LOC101059915: variants seen among roughly 807,000 people sequenced by gnomAD.
chrX:71,669,694 C>T, the LOC101059915 span: 1 of 974,005 alleles, frequency 1.0e-6, no homozygotes, highest in Non-Finnish European at 1.3e-6. Context: ...ACGCCTGGTG[C>T]CCAGATGCCA....
At chrX:71,667,953 G>C in the LOC101059915 span, 4 of 1,158,429 alleles carry the variant, frequency 3.5e-6, no homozygotes, top group Non-Finnish European at 3.5e-6. Context: ...GCAGTGGCAA[G>C]GGTAAGGGCA....
chrX:71,669,988 C>T, the LOC101059915 span, among the ~76,000 whole-genome samples: 26 of 112,678 alleles, frequency 2.3e-4, no homozygotes, highest in African/African-American at 7.7e-4. Flanking sequence ...CTGTTAAGTC[C>T]TGCTCAGCCA....
the LOC101059915 span, chrX:71,670,726 T>C: frequency 9.1e-7 from 1 of 1,096,416 alleles, no homozygotes; most frequent in South Asian, 2.4e-5. Context: ...GTGGTGGGGG[T>C]GGACTGCAGG....
At chrX:71,668,172 C>T in the LOC101059915 span, 2 of 1,129,143 alleles carry the variant, frequency 1.8e-6, no homozygotes, top group South Asian at 2.2e-5. Context: ...GACACCCGTC[C>T]CCAGAAGGCG....
the LOC101059915 span, chrX:71,670,450 A>G: frequency 1.8e-6 from 2 of 1,111,042 alleles, no homozygotes; most frequent in Non-Finnish European, 2.4e-6. Flanking sequence ...TACCCCATGC[A>G]GAGTGAGTGC....
At chrX:71,667,684 C>G in the LOC101059915 span, 20 of 785,442 alleles carry the variant, frequency 2.5e-5, no homozygotes, top group Non-Finnish European at 2.9e-5. Flanking sequence ...TCAATTCGCT[C>G]TCAGGCTCAA....
At chrX:71,667,879 A>G in the LOC101059915 span, 1 of 1,108,253 alleles carries the variant, frequency 9.0e-7, no homozygotes, top group Non-Finnish European at 1.2e-6. Flanking sequence ...CGGCGCCCAC[A>G]CCGCCAGCCC....
At chrX:71,668,744 C>G in the LOC101059915 span, 1 of 1,070,706 alleles carries the variant, frequency 9.3e-7, no homozygotes, top group Admixed American at 4.1e-5. Flanking sequence ...GGGCCCCTAC[C>G]CCGGGGCACT....
chrX:71,670,313 G>C, the LOC101059915 span: 13 of 1,163,734 alleles, frequency 1.1e-5, no homozygotes, highest in Non-Finnish European at 1.5e-5. Flanking sequence ...AGCAGCCCCC[G>C]GGAGCCCAGG....
chrX:71,669,718 G>A, the LOC101059915 span: 1 of 974,507 alleles, frequency 1.0e-6, no homozygotes, highest in Non-Finnish European at 1.3e-6. Context: ...ATCCTCCGGT[G>A]AGTCTTGCGG....
chrX:71,670,888 A>T, the LOC101059915 span: 48 of 752,136 alleles, frequency 6.4e-5, no homozygotes, highest in Non-Finnish European at 7.5e-5. Flanking sequence ...AGTCCCAGAG[A>T]TCTTCTCTTA....
chrX:71,670,130 T>C, the LOC101059915 span: 12 of 859,086 alleles, frequency 1.4e-5, no homozygotes, highest in Non-Finnish European at 2.0e-5. Context: ...GAGGGAGGGT[T>C]GGAGATGCTA....
At chrX:71,670,111 A>G in the LOC101059915 span, 1 of 756,624 alleles carries the variant, frequency 1.3e-6, no homozygotes, top group African/African-American at 2.1e-5. Flanking sequence ...AACAGGGAAG[A>G]CCGTCCCAGA....
chrX:71,667,593 G>A, the LOC101059915 span: 1 of 291,113 alleles, frequency 3.4e-6, no homozygotes, highest in Non-Finnish European at 5.9e-6. Context: ...GACATCTCGT[G>A]AGCAGACTGT....
At chrX:71,668,611 C>T in the LOC101059915 span, 1 of 1,088,463 alleles carries the variant, frequency 9.2e-7, no homozygotes, top group Non-Finnish European at 1.2e-6. Context: ...TCCCCGCAGA[C>T]TCACCCCAGT....
chrX:71,668,404 G>A, the LOC101059915 span: 5 of 1,157,205 alleles, frequency 4.3e-6, no homozygotes, highest in Non-Finnish European at 4.6e-6. Flanking sequence ...GGAAGGCCCC[G>A]CCGGGCTGAA....
At chrX:71,670,977 C>G in the LOC101059915 span, 1 of 754,291 alleles carries the variant, frequency 1.3e-6, no homozygotes, top group Non-Finnish European at 1.6e-6. Context: ...TGCTGGCTGG[C>G]TTATCTGTCT....
At chrX:71,670,174 G>C in the LOC101059915 span, 1 of 1,103,615 alleles carries the variant, frequency 9.1e-7, no homozygotes, top group South Asian at 2.0e-5. Flanking sequence ...CCAGCAGAGG[G>C]TGATGGTGCC....
chrX:71,669,648 A>T, the LOC101059915 span: 1 of 970,047 alleles, frequency 1.0e-6, no homozygotes, highest in Non-Finnish European at 1.3e-6. Context: ...CTCCCCAAGT[A>T]CTAGGAACCT....
Sources: gnomAD v4.1 joint callset for allele counts (sites outside exome capture counted in the v4.1 genomes callset) on GRCh38, gnomAD v4.1.1 for gene constraint, MANE v1.5 for transcripts.